Variants in FOCAD observed in about 807,000 individuals in gnomAD.
FOCAD encodes focadhesin, also known as KIAA1797.
FOCAD carries 198 observed loss-of-function variants against 225.6 expected under a neutral mutation model. The ratio of observed to expected loss-of-function variants is 0.88; its 90% CI spans 0.78 to 0.99. The LOEUF (loss-of-function observed/expected upper bound fraction) is 0.99, where lower values mean the gene tolerates loss of function less well. Ranked by LOEUF, FOCAD falls within the 50% of genes least tolerant of loss-of-function variation. The pLI is 0.00. For synonymous variants in FOCAD, 897 were observed against 755.0 expected, an observed-to-expected ratio of 1.19 and a Z score of -3.08; for missense variants, 2,713 against 2,123.6, an observed-to-expected ratio of 1.28 and a Z score of -5.46.
At chr9:20,688,062 A>G (rs1332150267) in intron 1 of FOCAD, among the ~76,000 whole-genome samples, 1 of 152,224 alleles carries the variant, frequency 6.6e-6, no homozygotes, top group Non-Finnish European at 1.5e-5. Context: ...AAGATAGAGA[A>G]TAGATCAACT....
chr9:20,973,106 T>A (rs1472324734), intron 35 of FOCAD, among the ~76,000 whole-genome samples: 1 of 150,954 alleles, frequency 6.6e-6, no homozygotes, highest in Non-Finnish European at 1.5e-5. Context: ...CTTGTTCTGA[T>A]TCCCTCTTTC....
intron 6 of FOCAD, among the ~76,000 whole-genome samples, chr9:20,763,106 A>C (rs1829759276): frequency 6.6e-6 from 1 of 152,196 alleles, no homozygotes; most frequent in South Asian, 2.1e-4. Flanking sequence ...TATATATAAG[A>C]ATGTGAAAAA....
chr9:20,711,626 A>T (rs1469032672), intron 1 of FOCAD, among the ~76,000 whole-genome samples: 1 of 152,218 alleles, frequency 6.6e-6, no homozygotes, highest in Non-Finnish European at 1.5e-5. Flanking sequence ...TTTGTGGCTG[A>T]CTGGATTTAG....
At chr9:20,764,163 A>G (rs1283514030) in intron 6 of FOCAD, among the ~76,000 whole-genome samples, 1 of 152,182 alleles carries the variant, frequency 6.6e-6, no homozygotes, top group Non-Finnish European at 1.5e-5. Flanking sequence ...TCTTTTATGT[A>G]GATCCTCACC....
intron 18 of FOCAD, among the ~76,000 whole-genome samples, chr9:20,870,936 C>T (rs139531979): frequency 5.3e-4 from 81 of 152,254 alleles, no homozygotes; most frequent in African/African-American, 1.7e-3. Flanking sequence ...AGTGTGGTGG[C>T]TTACACCTGT....
At chr9:20,685,163 A>C (rs1410112397) in intron 1 of FOCAD, among the ~76,000 whole-genome samples, 1 of 145,308 alleles carries the variant, frequency 6.9e-6, no homozygotes, top group East Asian at 2.0e-4. Flanking sequence ...TCCAGTTTAT[A>C]TGTTAGTTTT....
At chr9:20,925,333 A>C (rs1204775635) in intron 25 of FOCAD, among the ~76,000 whole-genome samples, 1 of 152,116 alleles carries the variant, frequency 6.6e-6, no homozygotes, top group Admixed American at 6.6e-5. Context: ...TACCAGTTAT[A>C]CAGTAATTTT....
intron 21 of FOCAD, among the ~76,000 whole-genome samples, chr9:20,903,491 C>G (rs1832715401): frequency 1.3e-5 from 2 of 151,830 alleles, no homozygotes; most frequent in South Asian, 4.1e-4. Context: ...TAAATTAGAT[C>G]ATGTAATTCT....
intron 35 of FOCAD, among the ~76,000 whole-genome samples, chr9:20,960,177 G>A (rs888119893): frequency 1.3e-5 from 2 of 152,182 alleles, no homozygotes; most frequent in Non-Finnish European, 2.9e-5. Flanking sequence ...ACTTTAACGA[G>A]TTTTAAGATT....
intron 15 of FOCAD, among the ~76,000 whole-genome samples, chr9:20,839,803 A>C (rs1211975938): frequency 1.3e-5 from 2 of 152,078 alleles, no homozygotes; most frequent in Non-Finnish European, 2.9e-5. Context: ...TGTGTTATGA[A>C]CATTCCATAC....
intron 4 of FOCAD, 96 bp downstream of exon 4, chr9:20,720,630 C>T: frequency 8.0e-7 from 1 of 1,254,556 alleles, no homozygotes; most frequent in African/African-American, 1.5e-5. Context: ...ATCCTACTTG[C>T]CAGTTGTTTT....
At chr9:20,778,440 T>C (rs1819014470) in intron 8 of FOCAD, among the ~76,000 whole-genome samples, 1 of 152,156 alleles carries the variant, frequency 6.6e-6, no homozygotes, top group Non-Finnish European at 1.5e-5. Flanking sequence ...TGGGCTGGTC[T>C]CGAACTTCTG....
intron 4 of FOCAD, among the ~76,000 whole-genome samples, chr9:20,735,635 C>T (rs1160209129): frequency 6.6e-6 from 1 of 151,958 alleles, no homozygotes; most frequent in East Asian, 1.9e-4. Context: ...CCTGCCTCAG[C>T]CTCCTGAGTA....
In FOCAD at chr9:20,709,038, A is replaced by G. The variant is rs564990806; in HGVS notation, c.-32-6284A>G. ...GACATTAAGTACTTTTGTGTGATACATAGTTGTACAATATCCTAGAGAAAC... is the reference window on the plus strand; with the variant it reads ...GACATTAAGTACTTTTGTGTGATACGTAGTTGTACAATATCCTAGAGAAAC... On this transcript the variant is annotated intron_variant, in intron 1 of 43. Transcript: ENST00000338382. 2.0e-4 allele frequency among the ~76,000 whole-genome samples: 30 copies of G among 152,322 alleles called. 1 individual carries two copies. Among genetic ancestry groups the G allele is most frequent in the African/African-American group, 7.0e-4 (29 of 41,574 alleles).
chr9:20,952,917 A>T, intron 34 of FOCAD, 68 bp from the exon 35 acceptor site: 3 of 1,202,666 alleles, frequency 2.5e-6, no homozygotes, highest in Non-Finnish European at 3.7e-6. Context: ...GCAGCATGAG[A>T]TCATTATCTT....
At chr9:20,988,452 A>G in intron 41 of FOCAD, 23 bp downstream of exon 41, 3 of 1,363,240 alleles carry the variant, frequency 2.2e-6, no homozygotes, top group Non-Finnish European at 3.1e-6. Flanking sequence ...GGAGTAGTTT[A>G]TAGCTTCCTT....
intron 15 of FOCAD, among the ~76,000 whole-genome samples, chr9:20,860,971 C>G (rs1191942108): frequency 6.6e-6 from 1 of 152,086 alleles, no homozygotes; most frequent in Admixed American, 6.5e-5. Flanking sequence ...GCTTTTTGTA[C>G]CTATAACATG....
At chr9:20,818,390 T>C (rs1307190192) in intron 11 of FOCAD, among the ~76,000 whole-genome samples, 1 of 152,130 alleles carries the variant, frequency 6.6e-6, no homozygotes, top group Non-Finnish European at 1.5e-5. Flanking sequence ...GAAATTCATT[T>C]TTCCTTTTGT....
intron 19 of FOCAD, among the ~76,000 whole-genome samples, chr9:20,876,129 A>G (rs768928552): frequency 6.6e-6 from 1 of 152,166 alleles, no homozygotes; most frequent in Non-Finnish European, 1.5e-5. Context: ...AGAAAACTGA[A>G]TGGCCAAGTT....
Sources: allele counts gnomAD v4.1 joint callset (sites outside exome capture counted in the v4.1 genomes callset), GRCh38; gene constraint gnomAD v4.1.1; transcripts MANE v1.5; gene names NCBI Gene and HGNC (gene_info 2026-07-23, HGNC 2026-07-21).